Variants in ATP10D observed in about 807,000 individuals in gnomAD.
ATP10D encodes the protein phospholipid-transporting ATPase VD.
Under a neutral mutation model 144.8 loss-of-function variants are expected in ATP10D, and 89 were observed. The observed-to-expected ratio is 0.61, with a 90% CI of 0.52 to 0.73. The LOEUF (loss-of-function observed/expected upper bound fraction) is 0.73. Ranked by LOEUF, ATP10D falls within the 30% of genes least tolerant of loss-of-function variation. The probability of loss-of-function intolerance (pLI) is 0.00; values close to 1 mark genes in which losing one functional copy is unlikely to be tolerated. For synonymous variants in ATP10D, 571 were observed against 615.1 expected (o/e 0.93, Z 1.06); for missense variants, 1,603 against 1,714.8 (o/e 0.93, Z 1.15).
At chr4:47,534,030 G>T (rs1319914222) in intron 5 of ATP10D, among the ~76,000 whole-genome samples, 1 of 152,070 alleles carries the variant, frequency 6.6e-6, no homozygotes, top group Non-Finnish European at 1.5e-5. Context: ...TCTAATAGTT[G>T]TCTTATTCTA....
At chr4:47,589,850 C>G (rs1720950212) in intron 22 of ATP10D, among the ~76,000 whole-genome samples, 1 of 152,044 alleles carries the variant, frequency 6.6e-6, no homozygotes, top group African/African-American at 2.4e-5. Flanking sequence ...ATAAGATTTT[C>G]TTTGTCACAC....
At chr4:47,573,129 C>A in intron 18 of ATP10D, 132 bp downstream of exon 18, 1 of 1,127,844 alleles carries the variant, frequency 8.9e-7, no homozygotes, top group Middle Eastern at 2.1e-4. Context: ...CAGGACTGGT[C>A]TTGCTGTCTT....
chr4:47,566,274 AG>A (rs1377611436), intron 15 of ATP10D, among the ~76,000 whole-genome samples: 3 of 152,190 alleles, frequency 2.0e-5, no homozygotes, highest in Non-Finnish European at 4.4e-5. Context: ...CTCTCATAAA[AG>A]TTTTTTTTCT....
chr4:47,551,482 T>C (rs939763526), intron 10 of ATP10D, among the ~76,000 whole-genome samples: 2 of 152,238 alleles, frequency 1.3e-5, no homozygotes, highest in African/African-American at 4.8e-5. Context: ...TATGTGTTTA[T>C]TTTCCAAAGA....
intron 10 of ATP10D, 198 bp downstream of exon 10, chr4:47,547,060 C>A: frequency 3.4e-6 from 2 of 587,692 alleles, no homozygotes; most frequent in South Asian, 2.2e-5. Context: ...TAAAAAATAA[C>A]TCAATGTTGA....
rs200439351 is a variant in ATP10D at position 47,582,030 on chromosome 4, T to G, written c.3719T>G (p.Val1240Gly). Residue 1240 changes from valine (V) to glycine (G), a missense_variant, in exon 21 of 23, where the codon GTT becomes GGT. Val to Gly is a moderately radical substitution (Grantham distance 109, BLOSUM62 -3). Transcript: ENST00000273859. ...CTGAACACAGCCGCTCTGTTCATCGTTCTCCTCCATCTGGTCATTGAAAGC... is the reference window on the plus strand; with the variant it reads ...CTGAACACAGCCGCTCTGTTCATCGGTCTCCTCCATCTGGTCATTGAAAGC... ...NPLNTAALFI[V>G]LLHLVIESKS... is the part of the protein sequence containing the mutation. 496 of 1,614,056 alleles carry G rather than the reference T, an allele frequency of 3.1e-4. 4 individuals carry two copies. In the East Asian group the frequency reaches 0.011, roughly 36 times the overall value.
chr4:47,495,778 C>T (rs1715327049), intron 1 of ATP10D, among the ~76,000 whole-genome samples: 1 of 148,532 alleles, frequency 6.7e-6, no homozygotes, highest in African/African-American at 2.5e-5. Flanking sequence ...GCTCTTGTTG[C>T]TCAGGCTGGA....
chr4:47,572,680 T>TGTGTGTGTGTGTG (rs780550058), intron 17 of ATP10D, among the ~76,000 whole-genome samples, 192 bp from the exon 18 acceptor site: 1 of 141,696 alleles, frequency 7.1e-6, no homozygotes, highest in Non-Finnish European at 1.5e-5. Context: ...TGTGTGTGTG[T>TGTGTGTGTGTGTG]TGGATGGTAT....
chr4:47,548,894 A>G lies in ATP10D; in HGVS notation c.1635+2032A>G, dbSNP rs1456688476. Reference sequence around the variant, plus strand: ...AAAAATGAGCATCTGCAAATATATCATATAAAATTCTAAAAGCCCATCTGT... The same window carrying G: ...AAAAATGAGCATCTGCAAATATATCGTATAAAATTCTAAAAGCCCATCTGT... On this transcript the variant is annotated intron_variant, in intron 10 of 22. Coordinates refer to ENST00000273859, the MANE Select transcript of ATP10D (RefSeq NM_020453.4). Among the ~76,000 whole-genome samples, 5 of 152,354 alleles carry G rather than the reference A, an allele frequency of 3.3e-5. No homozygotes were observed. In the East Asian group the frequency reaches 9.6e-4, roughly 29 times the overall value.
rs769312328 is a variant in ATP10D, at chr4:47,515,630, GACAA to G, written c.449_452del (p.Lys150ArgfsTer5). 1 of 1,611,794 alleles carries G rather than the reference GACAA, an allele frequency of 6.2e-7. No individual in the cohort carries two copies. The highest frequency in any genetic ancestry group is 1.3e-5 in the African/African-American group (1 of 74,960). On this transcript the variant is annotated frameshift_variant, in exon 3 of 23. Coordinates refer to ENST00000273859, the MANE Select transcript of ATP10D (RefSeq NM_020453.4). LOFTEE classifies it high-confidence loss of function. The stretch of plus-strand genomic sequence containing the variant: ...GGAAGATTATCGGAAATACAAAATT[GACAA>G]ACAGATCAATAATTTAATAACTAAA...
chr4:47,487,048 T>G (rs1211204869), intron 1 of ATP10D, among the ~76,000 whole-genome samples: 1 of 151,970 alleles, frequency 6.6e-6, no homozygotes, highest in South Asian at 2.1e-4. Context: ...CTGACCAACA[T>G]GGCGAAACCC....
chr4:47,514,503 T>C (rs1716525597), intron 2 of ATP10D, among the ~76,000 whole-genome samples: 1 of 152,212 alleles, frequency 6.6e-6, no homozygotes, highest in Non-Finnish European at 1.5e-5. Context: ...AGAAGTTTCA[T>C]GGTCAATGGA....
intron 4 of ATP10D, among the ~76,000 whole-genome samples, chr4:47,524,854 T>G (rs73140017): frequency 0.019 from 2,929 of 152,280 alleles, 67 homozygotes; most frequent in African/African-American, 0.051. Context: ...TCATATCATA[T>G]AATTCACATT....
At position 47,550,395 on chromosome 4, in the gene ATP10D, T is replaced by C. The variant is rs112217968; in HGVS notation, c.1635+3533T>C. Among the ~76,000 whole-genome samples, 162 of 152,232 alleles carry C rather than the reference T, an allele frequency of 1.1e-3. 3 individuals are homozygous for C. Among genetic ancestry groups the C allele is most frequent in the African/African-American group, 3.8e-3 (159 of 41,528 alleles). On this transcript the variant is annotated intron_variant, in intron 10 of 22. Transcript: ENST00000273859. ...AAAGGGAGTTTTGGCCAGTTTTTAC[T>C]TGTTAATTTGAATTTAAATAGAGGA...
rs141588184 is a variant in ATP10D at position 47,576,723 on chromosome 4, A to G, written c.3367-50A>G. 240 of 1,548,224 alleles carry G rather than the reference A, an allele frequency of 1.6e-4. 2 individuals carry two copies. The East Asian group carries it at 5.2e-3, about 33-fold the overall frequency. ...GGCAGCATTTGGAATGTGTAATCAT[A>G]GCACACATTACTGATTCTAAGATCT... is the stretch of plus-strand genomic sequence containing the variant. On this transcript the variant is annotated intron_variant, in intron 18 of 22. Coordinates refer to ENST00000273859, the MANE Select transcript of ATP10D (RefSeq NM_020453.4).
At chr4:47,502,618 A>T (rs1340445579) in intron 1 of ATP10D, among the ~76,000 whole-genome samples, 4 of 148,408 alleles carry the variant, frequency 2.7e-5, no homozygotes, top group Non-Finnish European at 5.9e-5. Flanking sequence ...TTTATATACG[A>T]TATACATATA....
intron 12 of ATP10D, 146 bp from the exon 13 acceptor site, chr4:47,558,777 C>G: frequency 1.6e-6 from 1 of 631,900 alleles, no homozygotes; most frequent in Non-Finnish European, 2.7e-6. Flanking sequence ...CTGAGTGGTC[C>G]CTTTTACAGA....
At chr4:47,550,174 A>G (rs1027283781) in intron 10 of ATP10D, among the ~76,000 whole-genome samples, 2 of 152,142 alleles carry the variant, frequency 1.3e-5, no homozygotes, top group Non-Finnish European at 2.9e-5. Context: ...GGTCAACTTT[A>G]TGTCCCATCT....
intron 1 of ATP10D, among the ~76,000 whole-genome samples, chr4:47,498,280 G>A (rs892635926): frequency 6.6e-6 from 1 of 152,110 alleles, no homozygotes. Context: ...CTTGACATTT[G>A]GGACTAGATA....
Sources: gnomAD v4.1 joint callset for allele counts (sites outside exome capture counted in the v4.1 genomes callset) on GRCh38, gnomAD v4.1.1 for gene constraint, MANE v1.5 for transcripts, NCBI Gene and HGNC (gene_info 2026-07-23, HGNC 2026-07-21) for gene names.